Variants in CUZD1 observed in about 807,000 individuals in gnomAD.
CUZD1 encodes the protein CUB and zona pellucida-like domain-containing protein 1.
CUZD1 carries 42 observed loss-of-function variants against 53.1 expected under a neutral mutation model. The observed-to-expected ratio is 0.79, with a 90% CI of 0.62 to 1.02. CUZD1 has a LOEUF of 1.02. CUZD1 is among the 50% of genes least tolerant of loss of function. CUZD1 has a pLI of 0.00. For missense variants in CUZD1, 670 were observed against 715.7 expected, an observed-to-expected ratio of 0.94 and a Z score of 0.73; for synonymous variants, 238 against 257.2, an observed-to-expected ratio of 0.93 and a Z score of 0.71.
At chr10:122,834,293 C>T (rs575799859) in intron 7 of CUZD1, among the ~76,000 whole-genome samples, 5 of 152,168 alleles carry the variant, frequency 3.3e-5, no homozygotes, top group South Asian at 4.2e-4. Context: ...CAAATAAGAA[C>T]GTTATACTTT....
At chr10:122,845,076 C>CTT (rs34468840) in intron 1 of CUZD1, among the ~76,000 whole-genome samples, 119 of 141,994 alleles carry the variant, frequency 8.4e-4, no homozygotes, top group Non-Finnish European at 1.6e-3. Flanking sequence ...AGATCAGAGT[C>CTT]TTTTTTTTTT....
intron 2 of CUZD1, 62 bp downstream of exon 2, chr10:122,841,116 T>TA (rs1847334587): frequency 6.7e-7 from 1 of 1,493,182 alleles, no homozygotes. Context: ...AGAGTCCCCC[T>TA]ACCCACCCCA....
intron 3 of CUZD1, among the ~76,000 whole-genome samples, chr10:122,838,802 A>G (rs1321786534): frequency 6.6e-6 from 1 of 152,194 alleles, no homozygotes; most frequent in Non-Finnish European, 1.5e-5. Flanking sequence ...AGAACCAATG[A>G]ATCACAATAT....
Position 122,836,874 on chromosome 10 carries a change from A to C in CUZD1, c.774T>G (p.Phe258Leu). The C allele has an allele frequency of 6.2e-7, 1 of 1,614,110 alleles. No individual in the cohort carries two copies. The highest frequency in any genetic ancestry group is 1.1e-5 in the South Asian group (1 of 91,080). Residue 258 changes from phenylalanine to leucine, a missense_variant, in exon 5 of 9, where the codon TTT (phenylalanine) becomes TTG (leucine). Transcript: ENST00000392790. Reference protein sequence around the residue: ...STDYANSYRGFSASYTSIYAE... With the variant: ...STDYANSYRGLSASYTSIYAE... ...CATAAATTGAGGTGTAGGAAGCAGA[A>C]AATCCCCGGTAAGAATTGGCATAAT...
rs766665569 is a variant in CUZD1 at position 122,835,072 on chromosome 10, G to A, written c.1016C>T (p.Thr339Ile). The A allele has an allele frequency of 1.9e-6, 3 of 1,588,030 alleles. No individual in the cohort carries two copies. In the African/African-American group the frequency reaches 4.1e-5, roughly 21 times the overall value. ...RKVEDQSITY[T>I]NIITFSASST... ...GGATGCAGAAAAGGTGATTATATTG[G>A]TGTAAGTAATTGACTGATCTTCTAC... Residue 339 changes from threonine to isoleucine, a missense_variant, in exon 7 of 9, where the codon ACC (threonine) becomes ATC (isoleucine). Coordinates refer to ENST00000392790, the MANE Select transcript of CUZD1 (RefSeq NM_022034.6).
intron 1 of CUZD1, among the ~76,000 whole-genome samples, chr10:122,842,362 T>C (rs928574823): frequency 6.6e-6 from 1 of 152,242 alleles, no homozygotes; most frequent in Non-Finnish European, 1.5e-5. Context: ...CCAAGACCAT[T>C]TGATGAAAAG....
intron 6 of CUZD1, among the ~76,000 whole-genome samples, chr10:122,835,672 C>T (rs1367670375): frequency 6.6e-6 from 1 of 152,062 alleles, no homozygotes; most frequent in Non-Finnish European, 1.5e-5. Flanking sequence ...CCTAAAGAGA[C>T]CAAAGGTTGA....
At chr10:122,836,631 G>A (rs1847255577) in intron 5 of CUZD1, among the ~76,000 whole-genome samples, 200 bp downstream of exon 5, 1 of 152,116 alleles carries the variant, frequency 6.6e-6, no homozygotes, top group Admixed American at 6.5e-5. Flanking sequence ...ATCTTTTTCA[G>A]GTTAATAAAA....
Position 122,839,134 on chromosome 10 carries a change from CG to C in CUZD1, c.330del (p.Asn110LysfsTer14). The C allele has an allele frequency of 6.2e-7, 1 of 1,614,094 alleles. No homozygotes were observed. Among genetic ancestry groups the C allele is most frequent in the Non-Finnish European group, 8.5e-7 (1 of 1,179,978 alleles). ...GATGATTCAAATACAGGAACATAGT[CG>C]TTTTTACTGCAGACTTGCCCTAGCA... ...GPLLGQVCSK[N>X]DYVPVFESSS... On this transcript the variant is annotated frameshift_variant, in exon 3 of 9. Coordinates refer to ENST00000392790, the MANE Select transcript of CUZD1 (RefSeq NM_022034.6). LOFTEE classifies it high-confidence loss of function.
At chr10:122,834,232 G>T (rs1397964734) in intron 7 of CUZD1, among the ~76,000 whole-genome samples, 2 of 152,156 alleles carry the variant, frequency 1.3e-5, no homozygotes, top group Admixed American at 1.3e-4. Flanking sequence ...CAGTACGAAT[G>T]ACGTAGTTAA....
At position 122,832,642 on chromosome 10, in the gene CUZD1, A is replaced by G. The variant is rs140091152; in HGVS notation, c.1652-192T>C. 9.8e-4 allele frequency among the ~76,000 whole-genome samples: 149 copies of G among 152,264 alleles called. 2 individuals are homozygous for G. The East Asian group carries it at 0.026, about 26-fold the overall frequency. On this transcript the variant is annotated intron_variant, in intron 8 of 8. Coordinates refer to ENST00000392790, the MANE Select transcript of CUZD1 (RefSeq NM_022034.6). ...TTATTTATATTTATATTTAATTTTG[A>G]ACTTGTTTCAAATTGTTGACTTGGT... is the stretch of plus-strand genomic sequence containing the variant.
chr10:122,832,827 A>C (rs2133810932), intron 8 of CUZD1, among the ~76,000 whole-genome samples: 1 of 152,322 alleles, frequency 6.6e-6, no homozygotes, highest in South Asian at 2.1e-4. Flanking sequence ...AATAGGAAAA[A>C]GATACTTTTC....
intron 4 of CUZD1, 139 bp downstream of exon 4, chr10:122,837,265 C>T: frequency 1.1e-6 from 1 of 937,104 alleles, no homozygotes; most frequent in Non-Finnish European, 1.6e-6. Context: ...AATAGTATCA[C>T]TGTTTTCCTT....
Position 122,833,707 on chromosome 10 carries a change from C to T in CUZD1, c.1616G>A (p.Arg539His), listed in dbSNP as rs34962077. 3.2e-4 allele frequency: 511 copies of T among 1,613,774 alleles called. 3 individuals are homozygous for T. The African/African-American group carries it at 5.9e-3, about 19-fold the overall frequency. ...WKTDSIIGPI[R>H]LKRDRSASGN... is the part of the protein sequence containing the mutation. ...ACTTGCACTTCGATCCCTTTTCAGA[C>T]GAATGGGTCCTATGATGGAATCTGT... Residue 539 changes from arginine (R) to histidine (H), a missense_variant, in exon 8 of 9, where the codon CGT (arginine) becomes CAT (histidine). Arg to His is a conservative substitution (Grantham distance 29). Coordinates refer to ENST00000392790, the MANE Select transcript of CUZD1 (RefSeq NM_022034.6).
At chr10:122,840,154 T>C (rs923201607) in intron 2 of CUZD1, among the ~76,000 whole-genome samples, 5 of 152,206 alleles carry the variant, frequency 3.3e-5, no homozygotes, top group African/African-American at 7.2e-5. Context: ...TCCAGGAAAT[T>C]TGAGGCCTCT....
intron 6 of CUZD1, 77 bp from the exon 7 acceptor site, chr10:122,835,174 G>T (rs1847229544): frequency 3.7e-5 from 43 of 1,156,282 alleles, no homozygotes; most frequent in Non-Finnish European, 4.7e-5. Context: ...GATAACATTT[G>T]CAGGTACAGA....
Position 122,845,621 on chromosome 10 carries a change from A to G in CUZD1, c.82+141T>C. 3 of 596,864 alleles carry G rather than the reference A, an allele frequency of 5.0e-6. No homozygotes were observed. The South Asian group carries it at 7.1e-5, about 14-fold the overall frequency. The allele number at this position is 596,864 out of a possible 1,614,324, so 37.0% of individuals were successfully genotyped here. ...GCCAAATAAAATTAGAACTAATTTA[A>G]AATCCCCTCCAAGAGCATTAGAGTA... On this transcript the variant is annotated intron_variant, in intron 1 of 8. Coordinates refer to ENST00000392790, the MANE Select transcript of CUZD1 (RefSeq NM_022034.6).
chr10:122,835,787 T>C (rs1269192757), intron 6 of CUZD1, among the ~76,000 whole-genome samples: 1 of 152,170 alleles, frequency 6.6e-6, no homozygotes, highest in African/African-American at 2.4e-5. Flanking sequence ...TGTTTTTTTT[T>C]CCTGTCTTTA....
rs1290752276 is a variant in CUZD1, at chr10:122,832,457, T to C, written c.1652-7A>G. ...TGTGTTTCATGCTGAAATCCTAAAA[T>C]TGGAAACAAGATGAAAATCACTTTT... is the stretch of plus-strand genomic sequence containing the variant. On this transcript the variant is annotated splice_region_variant and splice_polypyrimidine_tract_variant and intron_variant, in intron 8 of 8. Transcript: ENST00000392790. 1 of 1,612,486 alleles carries C rather than the reference T, an allele frequency of 6.2e-7. No individual in the cohort carries two copies.
Sources: allele counts gnomAD v4.1 joint callset (sites outside exome capture counted in the v4.1 genomes callset), GRCh38; gene constraint gnomAD v4.1.1; transcripts MANE v1.5; gene names NCBI Gene and HGNC (gene_info 2026-07-23, HGNC 2026-07-21).